Variants in UBE2E3 observed in about 807,000 individuals in gnomAD.
The protein encoded by UBE2E3 is ubiquitin conjugating enzyme E2 E3, also known as ubiquitin-conjugating enzyme E2 E3.
Under a neutral mutation model 23.6 loss-of-function variants are expected in UBE2E3, and 5 were observed. The observed-to-expected ratio is 0.21, with a 90% CI of 0.11 to 0.44. The LOEUF (loss-of-function observed/expected upper bound fraction) is 0.44, where lower values mean the gene tolerates loss of function less well. UBE2E3 is among the 20% of genes least tolerant of loss of function. The pLI, the probability that UBE2E3 is intolerant of heterozygous loss-of-function variation, is 0.99. For synonymous variants in UBE2E3, 78 were observed against 87.5 expected, an observed-to-expected ratio of 0.89 and a Z score of 0.60; for missense variants, 81 against 249.8, an observed-to-expected ratio of 0.32 and a Z score of 4.55.
chr2:181,026,979 T>C (rs564631567), intron 3 of UBE2E3, among the ~76,000 whole-genome samples: 22 of 151,992 alleles, frequency 1.4e-4, no homozygotes, highest in Non-Finnish European at 2.9e-4. Flanking sequence ...ACTAATCAGC[T>C]AGAAATATCT....
chr2:180,980,491 G>C (rs1286996167), upstream of UBE2E3: 2 of 149,468 alleles, frequency 1.3e-5, no homozygotes, highest in Non-Finnish European at 3.0e-5. The surrounding 1 kb of genome is among the most constrained non-coding windows in gnomAD (Gnocchi z 5.5). Context: ...GCGCACGGGA[G>C]CGCGCGGGAA....
intron 3 of UBE2E3, among the ~76,000 whole-genome samples, chr2:181,005,473 A>G (rs1685122804): frequency 6.6e-6 from 1 of 152,198 alleles, no homozygotes; most frequent in South Asian, 2.1e-4. Context: ...AAGGGGTGCA[A>G]AGGTGAACTG....
chr2:180,994,015 C>T (rs545774164), intron 3 of UBE2E3, among the ~76,000 whole-genome samples: 2 of 152,204 alleles, frequency 1.3e-5, no homozygotes, highest in East Asian at 1.9e-4. Context: ...AGGCTTTGAA[C>T]GCAAACTCAG....
Position 181,061,839 on chromosome 2 carries a change from T to A in UBE2E3, c.527-952T>A, listed in dbSNP as rs142857662. Among the ~76,000 whole-genome samples the A allele has an allele frequency of 1.1e-4, 16 of 151,632 alleles. No homozygotes were observed. The East Asian group carries it at 2.9e-3, about 28-fold the overall frequency. On this transcript the variant is annotated intron_variant, in intron 5 of 5. Coordinates refer to ENST00000410062, the MANE Select transcript of UBE2E3 (RefSeq NM_006357.4). ...GATAAGTCACTAAAGACTGTTACTG[T>A]TGTTACCTTATGCTCGGCAGAGATA... is the stretch of plus-strand genomic sequence containing the variant.
At position 181,020,329 on chromosome 2, in the gene UBE2E3, C is replaced by T. The variant is rs191980130; in HGVS notation, c.245+36236C>T. Among the ~76,000 whole-genome samples the T allele has an allele frequency of 1.1e-3, 174 of 152,298 alleles. 3 individuals carry two copies. The highest frequency in any genetic ancestry group is 9.3e-3 in the Admixed American group (142 of 15,286). The stretch of plus-strand genomic sequence containing the variant: ...GCCTTCTTCCTGAGTATCTCTGTCT[C>T]TCTTCTCTTCTTGTAAGGACATAAC... On this transcript the variant is annotated intron_variant, in intron 3 of 5. Transcript: ENST00000410062.
chr2:181,028,936 C>G (rs888241595), intron 3 of UBE2E3, among the ~76,000 whole-genome samples: 36 of 152,084 alleles, frequency 2.4e-4, no homozygotes, highest in African/African-American at 8.7e-4. Context: ...CTTTCTGTCC[C>G]AAGGTCTCGA....
chr2:181,059,498 C>T (rs573500914), intron 4 of UBE2E3, among the ~76,000 whole-genome samples: 1 of 151,576 alleles, frequency 6.6e-6, no homozygotes, highest in East Asian at 1.9e-4. Flanking sequence ...CCACATAAAA[C>T]ATAAAACAAT....
chr2:181,033,687 C>A (rs571520772), intron 3 of UBE2E3, among the ~76,000 whole-genome samples: 24 of 152,136 alleles, frequency 1.6e-4, no homozygotes, highest in East Asian at 3.9e-4. Flanking sequence ...AATGGGATCT[C>A]ATTAAACTAA....
At chr2:181,008,867 CTGTT>C (rs1451100905) in intron 3 of UBE2E3, among the ~76,000 whole-genome samples, 3 of 148,610 alleles carry the variant, frequency 2.0e-5, no homozygotes, top group African/African-American at 7.4e-5. Context: ...CCGTGATTCT[CTGTT>C]GCAGTCTTTG....
intron 3 of UBE2E3, among the ~76,000 whole-genome samples, chr2:180,995,859 T>G (rs1684808749): frequency 6.6e-6 from 1 of 152,100 alleles, no homozygotes; most frequent in South Asian, 2.1e-4. Flanking sequence ...TTTTCTGTGA[T>G]GTTAGCAGCC....
At chr2:181,023,544 G>A (rs546787424) in intron 3 of UBE2E3, among the ~76,000 whole-genome samples, 1 of 152,196 alleles carries the variant, frequency 6.6e-6, no homozygotes, top group Admixed American at 6.5e-5. Context: ...AGAGGAATTC[G>A]GCCAGTGTGA....
intron 2 of UBE2E3, among the ~76,000 whole-genome samples, chr2:180,983,096 A>G (rs1464680350): frequency 6.6e-6 from 1 of 152,212 alleles, no homozygotes. Flanking sequence ...AATTATACAT[A>G]AAATGTATAA....
At chr2:181,041,447 AT>A (rs112534224) in intron 3 of UBE2E3, among the ~76,000 whole-genome samples, 6 of 147,446 alleles carry the variant, frequency 4.1e-5, no homozygotes, top group South Asian at 2.1e-4. Flanking sequence ...AACATAAGGA[AT>A]TTTTTTTTTT....
chr2:180,986,717 T>C (rs954431803), intron 3 of UBE2E3, among the ~76,000 whole-genome samples: 3 of 152,124 alleles, frequency 2.0e-5, no homozygotes, highest in African/African-American at 7.2e-5. Context: ...TTAATCAGAA[T>C]TCCATTACAG....
intron 3 of UBE2E3, among the ~76,000 whole-genome samples, chr2:180,996,526 G>T (rs1425022627): frequency 1.3e-5 from 2 of 152,106 alleles, no homozygotes; most frequent in Non-Finnish European, 2.9e-5. Context: ...CTCATCAGGG[G>T]CATCTTGGTT....
At position 181,058,007 on chromosome 2, in the gene UBE2E3, G is replaced by A. The variant is rs191848409; in HGVS notation, c.378+182G>A. 2.6e-5 allele frequency among the ~76,000 whole-genome samples: 4 copies of A among 151,792 alleles called. No homozygotes were observed. In the East Asian group the frequency reaches 5.8e-4, roughly 22 times the overall value. ...AATTGACTCCTTTCACAAATAATTTGTAATAAACAGAAAGAGTTTAATTCT... is the reference window on the plus strand; with the variant it reads ...AATTGACTCCTTTCACAAATAATTTATAATAAACAGAAAGAGTTTAATTCT... On this transcript the variant is annotated intron_variant, in intron 4 of 5. Coordinates refer to ENST00000410062, the MANE Select transcript of UBE2E3 (RefSeq NM_006357.4).
intron 4 of UBE2E3, among the ~76,000 whole-genome samples, chr2:181,060,313 T>G (rs1158441221): frequency 6.6e-6 from 1 of 151,738 alleles, no homozygotes; most frequent in African/African-American, 2.4e-5. Flanking sequence ...AAAACATTTC[T>G]TTTCTTCCTC....
intron 3 of UBE2E3, among the ~76,000 whole-genome samples, chr2:181,044,630 A>C (rs1686615532): frequency 6.6e-6 from 1 of 152,156 alleles, no homozygotes; most frequent in South Asian, 2.1e-4. Flanking sequence ...ACATAATTCC[A>C]CTATTATGCT....
chr2:181,043,036 C>G (rs1228684915), intron 3 of UBE2E3, among the ~76,000 whole-genome samples: 2 of 152,120 alleles, frequency 1.3e-5, no homozygotes, highest in African/African-American at 2.4e-5. Context: ...GCTTAAAAGT[C>G]AAGTCTTATG....
Sources: allele counts gnomAD v4.1 joint callset (sites outside exome capture counted in the v4.1 genomes callset), GRCh38; gene constraint gnomAD v4.1.1; non-coding constraint Gnocchi (gnomAD v3.1); transcripts MANE v1.5; gene names NCBI Gene and HGNC (gene_info 2026-07-23, HGNC 2026-07-21).